The following TERT variants were observed in gnomAD, a reference collection of about 807,000 sequenced individuals.
The protein encoded by TERT is telomerase catalytic subunit.
Under a neutral mutation model 104.0 loss-of-function variants are expected in TERT, and 42 were observed. That is an observed-to-expected ratio of 0.40 (90% CI 0.32 to 0.52). The LOEUF is 0.52. Among genes scored for constraint, TERT ranks in the 20% least tolerant of loss-of-function variants. The probability of loss-of-function intolerance (pLI) is 0.43; values close to 1 mark genes in which losing one functional copy is unlikely to be tolerated. For synonymous variants in TERT, 781 were observed against 725.6 expected (o/e 1.08, Z -1.23); for missense variants, 1,101 against 1,610.3 (o/e 0.68, Z 5.41).
At chr5:1,282,744 A>G in intron 2 of TERT, 120 bp from the exon 3 acceptor site, 1 of 982,410 alleles carries the variant, frequency 1.0e-6, no homozygotes, top group Admixed American at 2.0e-5. Flanking sequence ...CTCACCCCAG[A>G]CCTGCACCAT....
rs187594054 is a variant in TERT, at chr5:1,257,528, G to C, written c.3032+1070C>G. Among the ~76,000 whole-genome samples, 3 of 152,314 alleles carry C rather than the reference G, an allele frequency of 2.0e-5. No homozygotes were observed. In the East Asian group the frequency reaches 5.8e-4, roughly 29 times the overall value. Reference sequence around the variant, plus strand: ...AACGAGGGAAGATTTGAGGCAGAGAGAGAAGGCAGAGAGGAGGGCGGTCTG... The same window carrying C: ...AACGAGGGAAGATTTGAGGCAGAGACAGAAGGCAGAGAGGAGGGCGGTCTG... On this transcript the variant is annotated intron_variant, in intron 13 of 15. Coordinates refer to ENST00000310581, the MANE Select transcript of TERT (RefSeq NM_198253.3). This position sits in a 1 kb window ranked among gnomAD's most constrained non-coding sequence, Gnocchi z 5.6.
rs576037664 is a variant in TERT at position 1,261,979 on chromosome 5, C to T, written c.2844-1379G>A. 6.6e-6 allele frequency among the ~76,000 whole-genome samples: 1 copy of T among 152,192 alleles called. No individual in the cohort carries two copies. The highest frequency in any genetic ancestry group is 1.5e-5 in the Non-Finnish European group (1 of 68,030). ...GGGCGCCTTAAATAAATCACGTGCA[C>T]AAACGCTCCAGGGAATGGCCATTTT... On this transcript the variant is annotated intron_variant, in intron 11 of 15. Coordinates refer to ENST00000310581, the MANE Select transcript of TERT (RefSeq NM_198253.3). This position sits in a 1 kb window ranked among gnomAD's most constrained non-coding sequence, Gnocchi z 7.4.
chr5:1,281,948 C>T (rs900947703), intron 3 of TERT, among the ~76,000 whole-genome samples: 6 of 152,064 alleles, frequency 3.9e-5, no homozygotes, highest in African/African-American at 1.2e-4. Flanking sequence ...ATTAGCCAGG[C>T]GTGGTGGCAG....
At position 1,287,508 on chromosome 5, in the gene TERT, A is replaced by ATATAT. The variant is rs1554041995; in HGVS notation, c.1574-4885_1574-4884insATATA. 3.2e-4 allele frequency among the ~76,000 whole-genome samples: 45 copies of ATATAT among 140,706 alleles called. No individual in the cohort carries two copies. Among genetic ancestry groups the ATATAT allele is most frequent in the African/African-American group, 4.1e-4 (15 of 36,834 alleles). The allele number at this position is 140,706 out of a possible 152,430, so 92.3% of individuals were successfully genotyped here. On this transcript the variant is annotated intron_variant, in intron 2 of 15. Transcript: ENST00000310581. This position sits in a 1 kb window ranked among gnomAD's most constrained non-coding sequence, Gnocchi z 4.3. ...CCAAGACTCTGTCTCAAAAAAAAAA[A>ATATAT]ATATATATATATATATATAAATTAA...
chr5:1,290,231 C>A (rs1176163713), intron 2 of TERT, among the ~76,000 whole-genome samples: 1 of 67,772 alleles, frequency 1.5e-5, no homozygotes, highest in Non-Finnish European at 2.6e-5. Context: ...GCCTCACTCA[C>A]CCTACACGTG....
chr5:1,278,755 C>G lies in TERT; in HGVS notation c.2172G>C (p.Arg724Ser), dbSNP rs1749793761. Residue 724 changes from arginine (R) to serine (S), a missense_variant, in exon 6 of 16, where the codon AGG becomes AGC. By Grantham distance (110) the Arg-to-Ser change is moderately radical. Transcript: ENST00000310581. ...TGATGCTGGCGATGACCTCCGTGAG[C>G]CTGTCCTGGGGGATGGTGTCGTACG... ...TGAYDTIPQD[R>S]LTEVIASIIK... The G allele has an allele frequency of 6.2e-7, 1 of 1,614,184 alleles. No homozygotes were observed. The highest frequency in any genetic ancestry group is 8.5e-7 in the Non-Finnish European group (1 of 1,180,056).
intron 6 of TERT, among the ~76,000 whole-genome samples, chr5:1,275,741 A>T (rs1202178838): frequency 3.0e-5 from 4 of 131,466 alleles, no homozygotes; most frequent in African/African-American, 1.2e-4. Context: ...ATCCCCACCT[A>T]TCCCACACAT....
At chr5:1,277,605 TGG>T (rs35577391) in intron 6 of TERT, among the ~76,000 whole-genome samples, 4 of 122,604 alleles carry the variant, frequency 3.3e-5, no homozygotes, top group African/African-American at 6.2e-5. Context: ...AGCGGGGATG[TGG>T]GGGGGGGTCT....
intron 7 of TERT, among the ~76,000 whole-genome samples, chr5:1,271,818 G>A (rs1033541192): frequency 6.6e-6 from 1 of 152,130 alleles, no homozygotes; most frequent in South Asian, 2.1e-4. Flanking sequence ...GCACTGAGGG[G>A]CCAGCTGGGC....
At chr5:1,289,109 C>T (rs991727743) in intron 2 of TERT, among the ~76,000 whole-genome samples, 25 of 151,622 alleles carry the variant, frequency 1.6e-4, no homozygotes, top group Non-Finnish European at 2.8e-4. Context: ...CTACACGAGA[C>T]AGGGACACCC....
chr5:1,255,519 C>T lies in TERT; in HGVS notation c.3033-108G>A. 7.2e-7 allele frequency: 1 copy of T among 1,389,622 alleles called. No individual in the cohort carries two copies. Among genetic ancestry groups the T allele is most frequent in the Non-Finnish European group, 1.0e-6 (1 of 986,586 alleles). The allele number at this position is 1,389,622 out of a possible 1,614,324, so 86.1% of individuals were successfully genotyped here. A position where few individuals can be genotyped will look rare whatever the true frequency, so the allele number is the denominator to read the frequency against. On this transcript the variant is annotated intron_variant, in intron 13 of 15. Coordinates refer to ENST00000310581, the MANE Select transcript of TERT (RefSeq NM_198253.3). This position sits in a 1 kb window ranked among gnomAD's most constrained non-coding sequence, Gnocchi z 6.9. ...CTGTGTGCGTGCATGAATGCACATG[C>T]ATGGGTTTCCTCATGGGCACAGGTG...
chr5:1,267,723 C>G (rs1353387650), intron 9 of TERT, among the ~76,000 whole-genome samples: 1 of 152,172 alleles, frequency 6.6e-6, no homozygotes, highest in East Asian at 1.9e-4. Flanking sequence ...TCTGAGCAAA[C>G]TATTGCAAGG....
At position 1,294,690 on chromosome 5, in the gene TERT, G is replaced by T. The variant is rs1417142248; in HGVS notation, c.220-24C>A. The T allele has an allele frequency of 3.2e-6, 5 of 1,586,722 alleles. No individual in the cohort carries two copies. In the Admixed American group the frequency reaches 5.1e-5, roughly 16 times the overall value. ...ACCTGCGGGGGAAGCGCCCTGAGTC[G>T]CCTGCGCTGCTCTCCGCATGTCGCT... On this transcript the variant is annotated intron_variant, in intron 1 of 15. Coordinates refer to ENST00000310581, the MANE Select transcript of TERT (RefSeq NM_198253.3).
chr5:1,293,532 G>A lies in TERT; in HGVS notation c.1354C>T (p.Leu452Phe), dbSNP rs1325845122. The A allele has an allele frequency of 6.4e-7, 1 of 1,557,752 alleles. No individual in the cohort carries two copies. The highest frequency in any genetic ancestry group is 8.7e-7 in the Non-Finnish European group (1 of 1,150,810). ...TGCCAGGGGCTGCTGTGCTGGCGGA[G>A]CAGCTGCACCAGGCGACGGGGGTCT... ...DTDPRRLVQL[L>F]RQHSSPWQVY... Residue 452 changes from leucine to phenylalanine, a missense_variant, in exon 2 of 16, where the codon CTC becomes TTC. By Grantham distance (22) the Leu-to-Phe change is conservative. Transcript: ENST00000310581.
In TERT at chr5:1,269,025, C is replaced by CA. The variant is rs998426588; in HGVS notation, c.2469-393dup. ...CCACGGTGAAAGACTCATGACCCTA[C>CA]ATGTAGCCGCTGCGCGCCAACGGAT... On this transcript the variant is annotated intron_variant, in intron 8 of 15. Transcript: ENST00000310581. This position sits in a 1 kb window ranked among gnomAD's most constrained non-coding sequence, Gnocchi z 9.0. Among the ~76,000 whole-genome samples the CA allele has an allele frequency of 4.0e-5, 6 of 151,820 alleles. No homozygotes were observed. The highest frequency in any genetic ancestry group is 8.8e-5 in the Non-Finnish European group (6 of 67,968).
chr5:1,280,097 C>A, intron 4 of TERT, 61 bp downstream of exon 4: 3 of 1,606,360 alleles, frequency 1.9e-6, no homozygotes, highest in Non-Finnish European at 2.6e-6. Context: ...TAAGCTGATA[C>A]CAAATGTGGG....
Position 1,293,496 on chromosome 5 carries a change from A to T in TERT, c.1390T>A (p.Phe464Ile). 6.3e-7 allele frequency: 1 copy of T among 1,586,446 alleles called. No homozygotes were observed. Among genetic ancestry groups the T allele is most frequent in the Non-Finnish European group, 8.6e-7 (1 of 1,167,180 alleles). Reference sequence around the variant, plus strand: ...AGCCGGCGCAGGCAGGCCCGCACGAAGCCGTACACCTGCCAGGGGCTGCTG... The same window carrying T: ...AGCCGGCGCAGGCAGGCCCGCACGATGCCGTACACCTGCCAGGGGCTGCTG... ...QHSSPWQVYG[F>I]VRACLRRLVP... Residue 464 changes from phenylalanine to isoleucine, a missense_variant, in exon 2 of 16, where the codon TTC becomes ATC. Coordinates refer to ENST00000310581, the MANE Select transcript of TERT (RefSeq NM_198253.3).
At chr5:1,266,992 G>A (rs1455865293) in intron 9 of TERT, among the ~76,000 whole-genome samples, 6 of 152,172 alleles carry the variant, frequency 3.9e-5, no homozygotes, top group Non-Finnish European at 7.3e-5. Flanking sequence ...TGACCCTCAG[G>A]CCCAAGCCCA....
chr5:1,294,586 G>A lies in TERT; in HGVS notation c.300C>T (p.Gly100=). The change falls in exon 2 of 16, where the codon GGC becomes GGT. Residue 100 remains glycine (G), a synonymous_variant. Transcript: ENST00000310581. ...ERGAKNVLAF[G]FALLDGARGG... is the part of the protein sequence containing the mutation. ...CGCGGGCCCCGTCCAGCAGCGCGAA[G>A]CCGAAGGCCAGCACGTTCTTCGCGC... 6.3e-7 allele frequency: 1 copy of A among 1,592,302 alleles called. No individual in the cohort carries two copies. The highest frequency in any genetic ancestry group is 1.1e-5 in the South Asian group (1 of 90,060).
Sources: allele counts gnomAD v4.1 joint callset (sites outside exome capture counted in the v4.1 genomes callset), GRCh38; gene constraint gnomAD v4.1.1; non-coding constraint Gnocchi (gnomAD v3.1); transcripts MANE v1.5; gene names NCBI Gene and HGNC (gene_info 2026-07-23, HGNC 2026-07-21).